The following PRKN variants were observed in gnomAD, a reference collection of about 807,000 sequenced individuals.
The protein encoded by PRKN is parkin RBR E3 ubiquitin protein ligase.
A neutral mutation model predicts 59.5 loss-of-function variants in PRKN; 56 were observed. The ratio of observed to expected loss-of-function variants is 0.94; its 90% CI spans 0.76 to 1.18. The LOEUF (loss-of-function observed/expected upper bound fraction) is 1.18, where lower values mean the gene tolerates loss of function less well. Among genes scored for constraint, PRKN ranks in the 50% most tolerant of loss-of-function variants. PRKN has a pLI of 0.00. For missense variants in PRKN, 657 were observed against 596.4 expected (o/e 1.10, Z -1.06); for synonymous variants, 250 against 222.1 (o/e 1.13, Z -1.12).
rs141199872 is a variant in PRKN at position 161,686,444 on chromosome 6, A to G, written c.871+99328T>C. On this transcript the variant is annotated intron_variant, in intron 7 of 11. Transcript: ENST00000366898. The stretch of plus-strand genomic sequence containing the variant: ...TTTGCGTAAAAATTACATACACACT[A>G]TAATGCTCTTATAAATCTTCACACT... Among the ~76,000 whole-genome samples, 273 of 152,364 alleles carry G rather than the reference A, an allele frequency of 1.8e-3. 6 individuals carry two copies. In the East Asian group the frequency reaches 0.032, roughly 18 times the overall value.
chr6:162,697,679 T>C (rs1035959311), intron 1 of PRKN, among the ~76,000 whole-genome samples: 60 of 152,296 alleles, frequency 3.9e-4, no homozygotes, highest in African/African-American at 1.4e-3. Flanking sequence ...TTATTGAAGG[T>C]CAATTAAGAC....
chr6:162,602,658 T>C (rs183750159), intron 1 of PRKN, among the ~76,000 whole-genome samples: 134 of 152,326 alleles, frequency 8.8e-4, no homozygotes, highest in African/African-American at 3.0e-3. Flanking sequence ...TGAGCTATCA[T>C]AGAAGTGGGC....
chr6:162,036,241 G>A (rs542539816), intron 5 of PRKN, among the ~76,000 whole-genome samples: 11 of 151,600 alleles, frequency 7.3e-5, no homozygotes, highest in African/African-American at 2.4e-4. Context: ...GGAGAATGGC[G>A]TGAACCCGGG....
intron 1 of PRKN, among the ~76,000 whole-genome samples, chr6:162,622,585 C>T (rs1268554674): frequency 2.0e-5 from 3 of 152,166 alleles, no homozygotes; most frequent in Non-Finnish European, 4.4e-5. Context: ...TTGCCCTTTT[C>T]ATTCTTCTAA....
chr6:162,520,901 G>A (rs1056934384), intron 1 of PRKN, among the ~76,000 whole-genome samples: 1 of 152,030 alleles, frequency 6.6e-6, no homozygotes, highest in Non-Finnish European at 1.5e-5. Flanking sequence ...TTTTACAAAT[G>A]AGCTTTAAAC....
At chr6:162,581,185 C>T (rs776192153) in intron 1 of PRKN, among the ~76,000 whole-genome samples, 50 of 152,058 alleles carry the variant, frequency 3.3e-4, no homozygotes, top group Non-Finnish European at 5.7e-4. Flanking sequence ...CAAAAGAATA[C>T]CAAGCATCTG....
intron 1 of PRKN, among the ~76,000 whole-genome samples, chr6:162,525,209 C>T (rs1778231318): frequency 6.6e-6 from 1 of 152,132 alleles, no homozygotes; most frequent in South Asian, 2.1e-4. Context: ...TCCACCAAGA[C>T]CACTCTGACC....
chr6:162,062,222 G>A (rs1182785396), intron 4 of PRKN, among the ~76,000 whole-genome samples: 1 of 152,108 alleles, frequency 6.6e-6, no homozygotes, highest in East Asian at 1.9e-4. Context: ...ACTATTCAGT[G>A]GATGACCACT....
chr6:161,504,478 G>C (rs971525486), intron 9 of PRKN, among the ~76,000 whole-genome samples: 8 of 152,148 alleles, frequency 5.3e-5, no homozygotes, highest in Non-Finnish European at 1.0e-4. Context: ...TTACAAGTCA[G>C]GAGTTGTTGC....
chr6:161,451,079 A>C lies in PRKN; in HGVS notation c.1084-64202T>G, dbSNP rs1789721568. ...AGGTAATAGAGAAGCCTTGAGGACT[A>C]GAACAGAACCGATGGAAAGAGAACT... On this transcript the variant is annotated intron_variant, in intron 9 of 11. Coordinates refer to ENST00000366898, the MANE Select transcript of PRKN (RefSeq NM_004562.3). The surrounding 1 kb of genome is among the most constrained non-coding windows in gnomAD (Gnocchi z 5.9). Among the ~76,000 whole-genome samples, 1 of 152,182 alleles carries C rather than the reference A, an allele frequency of 6.6e-6. No homozygotes were observed. Among genetic ancestry groups the C allele is most frequent in the African/African-American group, 2.4e-5 (1 of 41,430 alleles).
chr6:161,418,671 A>G (rs1787959852), intron 9 of PRKN, among the ~76,000 whole-genome samples: 1 of 152,196 alleles, frequency 6.6e-6, no homozygotes. Context: ...AAATAAAATA[A>G]CCAGTAAGTA....
Position 161,444,011 on chromosome 6 carries a change from A to G in PRKN, c.1084-57134T>C, listed in dbSNP as rs1423032302. Among the ~76,000 whole-genome samples the G allele has an allele frequency of 6.6e-6, 1 of 152,262 alleles. No individual in the cohort carries two copies. The highest frequency in any genetic ancestry group is 1.5e-5 in the Non-Finnish European group (1 of 68,048). ...TTACATGAAATTCGATTCAGTGTGC[A>G]CGAACTAACTAGGAGGCGCCAGGCT... On this transcript the variant is annotated intron_variant, in intron 9 of 11. Coordinates refer to ENST00000366898, the MANE Select transcript of PRKN (RefSeq NM_004562.3). This position sits in a 1 kb window ranked among gnomAD's most constrained non-coding sequence, Gnocchi z 5.6.
chr6:161,507,078 A>C (rs1778200822), intron 9 of PRKN, among the ~76,000 whole-genome samples: 1 of 152,196 alleles, frequency 6.6e-6, no homozygotes, highest in Non-Finnish European at 1.5e-5. Context: ...GGCAGTTTTA[A>C]GCCTCACGTA....
intron 7 of PRKN, among the ~76,000 whole-genome samples, chr6:161,696,940 C>T (rs1786047184): frequency 6.6e-6 from 1 of 152,066 alleles, no homozygotes; most frequent in African/African-American, 2.4e-5. Flanking sequence ...ACATGTAAGC[C>T]CTACATTCTT....
At chr6:162,479,832 C>G (rs1296516936) in intron 1 of PRKN, among the ~76,000 whole-genome samples, 4 of 150,330 alleles carry the variant, frequency 2.7e-5, no homozygotes. Flanking sequence ...TTTGGGAGGT[C>G]GAGGCAGGCA....
At chr6:161,727,116 G>A (rs142710451) in intron 7 of PRKN, among the ~76,000 whole-genome samples, 84 of 152,270 alleles carry the variant, frequency 5.5e-4, no homozygotes, top group Middle Eastern at 6.8e-3. Flanking sequence ...AGAAACCAAG[G>A]GTGGCGATGG....
At position 161,588,170 on chromosome 6, in the gene PRKN, G is replaced by C. The variant is rs1407276571; in HGVS notation, c.872-18754C>G. Among the ~76,000 whole-genome samples the C allele has an allele frequency of 6.6e-6, 1 of 152,036 alleles. No individual in the cohort carries two copies. Among genetic ancestry groups the C allele is most frequent in the African/African-American group, 2.4e-5 (1 of 41,392 alleles). On this transcript the variant is annotated intron_variant, in intron 7 of 11. Coordinates refer to ENST00000366898, the MANE Select transcript of PRKN (RefSeq NM_004562.3). The surrounding 1 kb of genome is among the most constrained non-coding windows in gnomAD (Gnocchi z 5.0). ...GGAGGCCGAGTCGGGTGGATCACAA[G>C]GTCAGGAGTTCGAGACCAGCCTGGC...
At chr6:161,809,800 G>C (rs1221965581) in intron 6 of PRKN, among the ~76,000 whole-genome samples, 1 of 152,110 alleles carries the variant, frequency 6.6e-6, no homozygotes, top group East Asian at 1.9e-4. Flanking sequence ...AATGTAGGTG[G>C]ATGAAGGATA....
At chr6:161,719,950 C>G (rs1787150572) in intron 7 of PRKN, among the ~76,000 whole-genome samples, 1 of 152,206 alleles carries the variant, frequency 6.6e-6, no homozygotes, top group Non-Finnish European at 1.5e-5. Context: ...TAACCCACTT[C>G]ACTGAGTCCG....
Sources: gnomAD v4.1 joint callset for allele counts (sites outside exome capture counted in the v4.1 genomes callset) on GRCh38, gnomAD v4.1.1 for gene constraint, Gnocchi (gnomAD v3.1) non-coding constraint, MANE v1.5 for transcripts, NCBI Gene and HGNC (gene_info 2026-07-23, HGNC 2026-07-21) for gene names.